The following TRPM3 variants were observed in gnomAD, a reference collection of about 807,000 sequenced individuals.
TRPM3 encodes long transient receptor potential channel 3.
TRPM3 carries 77 observed loss-of-function variants against 181.2 expected under a neutral mutation model. The observed-to-expected ratio is 0.42, with a 90% CI of 0.35 to 0.51. TRPM3 has a LOEUF of 0.51. Among genes scored for constraint, TRPM3 ranks in the 20% least tolerant of loss-of-function variants. The pLI, the probability that TRPM3 is intolerant of heterozygous loss-of-function variation, is 0.01. For missense variants in TRPM3, 1,759 were observed against 2,196.7 expected, an observed-to-expected ratio of 0.80 and a Z score of 3.98; for synonymous variants, 745 against 796.4, an observed-to-expected ratio of 0.94 and a Z score of 1.09.
At chr9:70,615,710 T>C (rs1385557971) in intron 18 of TRPM3, among the ~76,000 whole-genome samples, 198 bp downstream of exon 18, 1 of 152,240 alleles carries the variant, frequency 6.6e-6, no homozygotes, top group Non-Finnish European at 1.5e-5. Context: ...CACATATGGG[T>C]GGACCCTATG....
chr9:71,338,984 G>A (rs1212399744), intron 1 of TRPM3, among the ~76,000 whole-genome samples: 1 of 152,068 alleles, frequency 6.6e-6, no homozygotes, highest in East Asian at 1.9e-4. Context: ...AATGGCTAGA[G>A]AACCAATGGT....
intron 1 of TRPM3, among the ~76,000 whole-genome samples, chr9:71,130,982 A>C: frequency 6.6e-6 from 1 of 152,180 alleles, no homozygotes; most frequent in East Asian, 1.9e-4. Context: ...TGATGTATTT[A>C]CTTTTATGAA....
At chr9:70,547,018 A>G (rs1000282135) in intron 25 of TRPM3, among the ~76,000 whole-genome samples, 13 of 152,324 alleles carry the variant, frequency 8.5e-5, no homozygotes, top group Admixed American at 7.2e-4. Context: ...TGTATTTCTA[A>G]GAAGACTCAC....
At chr9:70,800,523 C>T (rs941180062) in intron 6 of TRPM3, among the ~76,000 whole-genome samples, 1 of 152,144 alleles carries the variant, frequency 6.6e-6, no homozygotes, top group Non-Finnish European at 1.5e-5. Flanking sequence ...TGTAGATTTT[C>T]TTCTACCTCT....
intron 1 of TRPM3, among the ~76,000 whole-genome samples, chr9:71,226,011 A>T (rs1565360705): frequency 4.9e-5 from 3 of 61,800 alleles, no homozygotes; most frequent in Admixed American, 4.0e-4. Context: ...ACAAAAGGTA[A>T]AAAAAAAAAA....
chr9:70,866,231 T>C (rs1053769306), intron 1 of TRPM3, among the ~76,000 whole-genome samples: 1 of 152,024 alleles, frequency 6.6e-6, no homozygotes, highest in Non-Finnish European at 1.5e-5. Flanking sequence ...TTTCCTACAC[T>C]TTAGAGAGCA....
chr9:70,680,338 C>T (rs1417836692), intron 9 of TRPM3, among the ~76,000 whole-genome samples: 1 of 152,120 alleles, frequency 6.6e-6, no homozygotes, highest in East Asian at 1.9e-4. Flanking sequence ...AAGAGTTGAG[C>T]ATGGTAGCAC....
intron 1 of TRPM3, among the ~76,000 whole-genome samples, chr9:71,082,666 G>A (rs192697200): frequency 6.6e-6 from 1 of 152,202 alleles, no homozygotes; most frequent in African/African-American, 2.4e-5. Context: ...ATCGTTAGTG[G>A]ACTAAATTAT....
intron 1 of TRPM3, among the ~76,000 whole-genome samples, chr9:71,420,686 A>AGAGG (rs2093719842): frequency 1.3e-5 from 1 of 78,438 alleles, no homozygotes; most frequent in Non-Finnish European, 2.8e-5. Context: ...AAAGAAAGAG[A>AGAGG]AAGGGAAAGA....
intron 1 of TRPM3, among the ~76,000 whole-genome samples, chr9:70,953,488 T>C (rs1374714925): frequency 2.0e-5 from 3 of 152,014 alleles, no homozygotes; most frequent in East Asian, 3.9e-4. Context: ...TTTTTAAATG[T>C]CTCCTGAGCA....
At chr9:70,610,509 G>A (rs984425131) in intron 19 of TRPM3, 100 bp downstream of exon 19, 4 of 1,410,700 alleles carry the variant, frequency 2.8e-6, no homozygotes, top group Non-Finnish European at 3.9e-6. Flanking sequence ...TCCTGTGTGT[G>A]GCACTTACGA....
chr9:71,127,837 T>C (rs1415747098), intron 1 of TRPM3, among the ~76,000 whole-genome samples: 3 of 152,188 alleles, frequency 2.0e-5, no homozygotes, highest in African/African-American at 4.8e-5. Context: ...TATTTAATCT[T>C]ATCATGCTTT....
intron 22 of TRPM3, among the ~76,000 whole-genome samples, chr9:70,559,903 G>A (rs1206927782): frequency 1.3e-5 from 2 of 152,096 alleles, no homozygotes; most frequent in Non-Finnish European, 2.9e-5. Flanking sequence ...GAGGGCTGTG[G>A]AATTCCCCCA....
chr9:71,215,043 A>C (rs200683161), intron 1 of TRPM3, among the ~76,000 whole-genome samples: 2,281 of 46,252 alleles, frequency 0.049, 78 homozygotes, highest in African/African-American at 0.12. Context: ...CAAAAAAAAA[A>C]AAACAAAAAA....
chr9:70,873,626 C>T (rs1056375191), intron 1 of TRPM3, among the ~76,000 whole-genome samples: 1 of 151,998 alleles, frequency 6.6e-6, no homozygotes, highest in South Asian at 2.1e-4. Context: ...CCCCTGCATT[C>T]TTTAAAACTC....
intron 1 of TRPM3, among the ~76,000 whole-genome samples, chr9:71,223,164 C>T (rs1256249296): frequency 1.3e-5 from 2 of 152,144 alleles, no homozygotes; most frequent in Non-Finnish European, 2.9e-5. Context: ...GAGTCCCCTT[C>T]CTTCCTCTTG....
In TRPM3 at chr9:71,153,291, A is replaced by ATTTT. The variant is rs370590474; in HGVS notation, c.184-288784_184-288781dup. On this transcript the variant is annotated intron_variant, in intron 1 of 24. Coordinates refer to the TRPM3 transcript ENST00000357533. ...CACACTATTTTAAATGGCGCCATTAATTTTTTTTTTTTTTTTCTGAGACAG... is the reference window on the plus strand; with the variant it reads ...CACACTATTTTAAATGGCGCCATTAATTTTTTTTTTTTTTTTTTTTCTGAGACAG... Among the ~76,000 whole-genome samples the ATTTT allele has an allele frequency of 3.1e-3, 431 of 140,052 alleles. 10 individuals are homozygous for ATTTT. The highest frequency in any genetic ancestry group is 0.011 in the African/African-American group (408 of 37,414). The allele number at this position is 140,052 out of a possible 152,430, so 91.9% of individuals were successfully genotyped here.
intron 1 of TRPM3, among the ~76,000 whole-genome samples, chr9:71,269,545 T>A (rs1396323975): frequency 1.3e-5 from 2 of 152,234 alleles, no homozygotes; most frequent in Non-Finnish European, 1.5e-5. Context: ...GCAAGACTCA[T>A]CACTGGCCAG....
intron 1 of TRPM3, among the ~76,000 whole-genome samples, chr9:71,054,127 G>A (rs1345479576): frequency 1.3e-5 from 2 of 152,078 alleles, no homozygotes; most frequent in African/African-American, 4.8e-5. Context: ...AGCTGGCATT[G>A]GGGCAGAAAG....
Sources: gnomAD v4.1 joint callset for allele counts (sites outside exome capture counted in the v4.1 genomes callset) on GRCh38, gnomAD v4.1.1 for gene constraint, MANE v1.5 for transcripts, NCBI Gene and HGNC (gene_info 2026-07-23, HGNC 2026-07-21) for gene names.